DCUN1D4: variants seen among roughly 807,000 people sequenced by gnomAD.
The protein encoded by DCUN1D4 is DCN1-like protein 4.
DCUN1D4 carries 22 observed loss-of-function variants against 47.9 expected under a neutral mutation model. That is an observed-to-expected ratio of 0.46 (90% CI 0.33 to 0.66). DCUN1D4 has a LOEUF of 0.66. Among genes scored for constraint, DCUN1D4 ranks in the 30% least tolerant of loss-of-function variants. The pLI, the probability that DCUN1D4 is intolerant of heterozygous loss-of-function variation, is 0.02. For missense variants in DCUN1D4, 301 were observed against 340.8 expected (o/e 0.88, Z 0.92); for synonymous variants, 121 against 112.2 (o/e 1.08, Z -0.50).
chr4:51,912,163 A>C (rs1045143512), intron 9 of DCUN1D4, among the ~76,000 whole-genome samples: 1 of 152,184 alleles, frequency 6.6e-6, no homozygotes, highest in Non-Finnish European at 1.5e-5. Context: ...GGTCTGTTCT[A>C]ATTTCTCTGA....
In DCUN1D4 at chr4:51,843,185, G is replaced by T; in HGVS notation, c.-58G>T. On this transcript the variant is annotated 5_prime_UTR_variant, in exon 1 of 11. Transcript: ENST00000334635. ...AGCCGAGGTGCAGTGAGCTGGTGGG[G>T]GGACCGCGAGGCGAGCGCGGGAGCC... 2.0e-6 allele frequency: 3 copies of T among 1,535,894 alleles called. No individual in the cohort carries two copies. The highest frequency in any genetic ancestry group is 1.2e-5 in the South Asian group (1 of 82,512).
rs539102628 is a variant in DCUN1D4 at position 51,876,377 on chromosome 4, T to G, written c.252-1386T>G. On this transcript the variant is annotated intron_variant, in intron 4 of 10. Transcript: ENST00000334635. The stretch of plus-strand genomic sequence containing the variant: ...GTGGGAATTGAACAATGAGAACACA[T>G]GGACACAGGAAGGGGAACATCACAC... Among the ~76,000 whole-genome samples, 64 of 139,688 alleles carry G rather than the reference T, an allele frequency of 4.6e-4. 1 individual carries two copies. In the South Asian group the frequency reaches 0.014, roughly 30 times the overall value. 91.6% of individuals were successfully genotyped at this position (139,688 alleles called of 152,430 possible).
intron 7 of DCUN1D4, among the ~76,000 whole-genome samples, chr4:51,893,570 G>A (rs1730779211): frequency 6.6e-6 from 1 of 152,142 alleles, no homozygotes; most frequent in South Asian, 2.1e-4. Context: ...GGGATTACAA[G>A]CAGACACCGC....
chr4:51,859,109 G>A, intron 1 of DCUN1D4, among the ~76,000 whole-genome samples: 1 of 152,128 alleles, frequency 6.6e-6, no homozygotes, highest in Non-Finnish European at 1.5e-5. Flanking sequence ...TTTTGGGGTG[G>A]AGAACTGGGG....
In DCUN1D4 at chr4:51,844,387, G is replaced by C. The variant is rs981011905; in HGVS notation, c.25+1120G>C. 9.1e-6 allele frequency: 9 copies of C among 984,996 alleles called. No individual in the cohort carries two copies. The South Asian group carries it at 4.2e-4, about 46-fold the overall frequency. The allele number at this position is 984,996 out of a possible 1,614,324, so 61.0% of individuals were successfully genotyped here. On this transcript the variant is annotated intron_variant, in intron 1 of 10. Transcript: ENST00000334635. Reference sequence around the variant, plus strand: ...GAACTGGCCGTGGTTCCCCCCGGACGGCGGGAAGCGAGGTCAGCGCTGGCG... The same window carrying C: ...GAACTGGCCGTGGTTCCCCCCGGACCGCGGGAAGCGAGGTCAGCGCTGGCG...
rs976526039 is a variant in DCUN1D4, at chr4:51,913,963, A to G, written c.*379A>G. Reference sequence around the variant, plus strand: ...CTAGTCCCTTTTTTTGAATGAACCAATTATACTTTATTTGGTCTCCTATGT... The same window carrying G: ...CTAGTCCCTTTTTTTGAATGAACCAGTTATACTTTATTTGGTCTCCTATGT... On this transcript the variant is annotated 3_prime_UTR_variant, in exon 11 of 11. Transcript: ENST00000334635. 5.9e-6 allele frequency: 1 copy of G among 170,718 alleles called. No homozygotes were observed. The highest frequency in any genetic ancestry group is 6.1e-5 in the Admixed American group (1 of 16,452). 10.6% of individuals were successfully genotyped at this position (170,718 alleles called of 1,614,324 possible). A position where few individuals can be genotyped will look rare whatever the true frequency, so the allele number is the denominator to read the frequency against.
At position 51,891,747 on chromosome 4, in the gene DCUN1D4, T is replaced by A; in HGVS notation, c.415-13T>A. ...AATATATTTTTTTTTAATTGTGTAT[T>A]TTTTTTTAACAGGTAGTTATGCTTG... On this transcript the variant is annotated splice_polypyrimidine_tract_variant and intron_variant, in intron 6 of 10. Coordinates refer to ENST00000334635, the MANE Select transcript of DCUN1D4 (RefSeq NM_001040402.3). The A allele has an allele frequency of 6.3e-7, 1 of 1,587,048 alleles. No homozygotes were observed. The highest frequency in any genetic ancestry group is 1.4e-5 in the African/African-American group (1 of 73,462).
chr4:51,835,496 A>T, the DCUN1D4 span, among the ~76,000 whole-genome samples: 1 of 152,202 alleles, frequency 6.6e-6, no homozygotes, highest in Non-Finnish European at 1.5e-5. Context: ...TAAAATGTGA[A>T]TGGAGGTTTA....
At chr4:51,871,068 T>C (rs1024087567) in intron 3 of DCUN1D4, among the ~76,000 whole-genome samples, 3 of 151,568 alleles carry the variant, frequency 2.0e-5, no homozygotes, top group Non-Finnish European at 2.9e-5. Flanking sequence ...ATAGACACAG[T>C]TTCTTTGTGA....
At chr4:51,835,600 G>A in the DCUN1D4 span, among the ~76,000 whole-genome samples, 1 of 152,160 alleles carries the variant, frequency 6.6e-6, no homozygotes, top group Non-Finnish European at 1.5e-5. Flanking sequence ...TATTGTGGGG[G>A]CCCAAGGCTG....
At chr4:51,835,173 G>T in the DCUN1D4 span, among the ~76,000 whole-genome samples, 2 of 152,162 alleles carry the variant, frequency 1.3e-5, no homozygotes, top group African/African-American at 4.8e-5. Context: ...TATCAAAGAG[G>T]CAACATAGCA....
At chr4:51,835,851 G>A in the DCUN1D4 span, among the ~76,000 whole-genome samples, 4 of 152,112 alleles carry the variant, frequency 2.6e-5, no homozygotes, top group Non-Finnish European at 5.9e-5. Flanking sequence ...GTAAAATTTC[G>A]AAAGAGATGA....
chr4:51,891,881 C>T (rs781032757), intron 7 of DCUN1D4, 30 bp downstream of exon 7: 11 of 1,536,298 alleles, frequency 7.2e-6, no homozygotes, highest in Admixed American at 1.9e-5. Context: ...AGTGGGGGTC[C>T]CTGCCCTTCC....
At chr4:51,854,408 A>C (rs981690623) in intron 1 of DCUN1D4, among the ~76,000 whole-genome samples, 1 of 152,218 alleles carries the variant, frequency 6.6e-6, no homozygotes, top group African/African-American at 2.4e-5. Context: ...ATGATCTTTG[A>C]GTGCATATTA....
intron 3 of DCUN1D4, chr4:51,865,162 A>G (rs1725707061): frequency 4.8e-6 from 1 of 207,392 alleles, no homozygotes; most frequent in African/African-American, 2.3e-5. Context: ...CAGTTCAATC[A>G]CCTTTTTTGA....
At position 51,906,602 on chromosome 4, in the gene DCUN1D4, T is replaced by C. The variant is rs111792299; in HGVS notation, c.616-4468T>C. ...ACTCTCCTCACACTCTCCCTCATAC[T>C]TCACTGTCATTTACAAAGAAAACAG... On this transcript the variant is annotated intron_variant, in intron 8 of 10. Transcript: ENST00000334635. 4.5e-3 allele frequency among the ~76,000 whole-genome samples: 679 copies of C among 152,254 alleles called. 12 individuals are homozygous for C. Among genetic ancestry groups the C allele is most frequent in the Middle Eastern group, 0.031 (9 of 294 alleles).
chr4:51,878,378 T>A (rs1728013877), intron 5 of DCUN1D4, among the ~76,000 whole-genome samples: 1 of 152,216 alleles, frequency 6.6e-6, no homozygotes, highest in Non-Finnish European at 1.5e-5. Context: ...TGTGGCTTTG[T>A]ATGGTGTAAA....
chr4:51,887,910 T>G (rs1418368337), intron 6 of DCUN1D4, among the ~76,000 whole-genome samples: 3 of 151,664 alleles, frequency 2.0e-5, no homozygotes, highest in Admixed American at 6.6e-5. Context: ...TTTGGTTTTT[T>G]TTTTTTTTTT....
chr4:51,844,934 C>G, intron 1 of DCUN1D4: 1 of 985,504 alleles, frequency 1.0e-6, no homozygotes, highest in Non-Finnish European at 1.2e-6. Context: ...TCTCGGGAGG[C>G]GGTTGAGTTC....
Sources: allele counts gnomAD v4.1 joint callset (sites outside exome capture counted in the v4.1 genomes callset), GRCh38; gene constraint gnomAD v4.1.1; transcripts MANE v1.5; gene names NCBI Gene and HGNC (gene_info 2026-07-23, HGNC 2026-07-21).